Variants in DIAPH3 observed in about 807,000 individuals in gnomAD.
The protein encoded by DIAPH3 is protein diaphanous homolog 3.
DIAPH3 carries 117 observed loss-of-function variants against 144.3 expected under a neutral mutation model. The ratio of observed to expected loss-of-function variants is 0.81; its 90% CI spans 0.70 to 0.95. DIAPH3 has a LOEUF of 0.95. DIAPH3 is among the 40% of genes least tolerant of loss of function. DIAPH3 has a pLI of 0.00. For synonymous variants in DIAPH3, 519 were observed against 488.9 expected, an observed-to-expected ratio of 1.06 and a Z score of -0.81; for missense variants, 1,421 against 1,412.7, an observed-to-expected ratio of 1.01 and a Z score of -0.09.
At chr13:59,797,170 T>G (rs2039653605) in intron 25 of DIAPH3, among the ~76,000 whole-genome samples, 2 of 152,164 alleles carry the variant, frequency 1.3e-5, no homozygotes, top group Admixed American at 1.3e-4. Flanking sequence ...TTCCCACACT[T>G]TCTATCCCCC....
At chr13:60,018,477 A>G (rs953119275) in intron 5 of DIAPH3, among the ~76,000 whole-genome samples, 27 of 152,176 alleles carry the variant, frequency 1.8e-4, no homozygotes. Context: ...TACCTTTAAC[A>G]TAATTATAAC....
intron 9 of DIAPH3, among the ~76,000 whole-genome samples, chr13:59,997,154 C>T (rs2052249587): frequency 6.6e-6 from 1 of 151,988 alleles, no homozygotes; most frequent in African/African-American, 2.4e-5. Context: ...AAACTTATCC[C>T]TTCTACCATA....
intron 27 of DIAPH3, among the ~76,000 whole-genome samples, chr13:59,707,923 A>G (rs2034516307): frequency 6.6e-6 from 1 of 151,092 alleles, no homozygotes; most frequent in South Asian, 2.1e-4. Context: ...TAACATACCA[A>G]TTTCTCCCCA....
At chr13:59,677,182 G>A (rs1665989969) in intron 27 of DIAPH3, among the ~76,000 whole-genome samples, 1 of 151,678 alleles carries the variant, frequency 6.6e-6, no homozygotes, top group African/African-American at 2.4e-5. Flanking sequence ...TTATTACCTT[G>A]CTTCACTTAA....
chr13:59,688,058 C>T (rs2033305846), intron 27 of DIAPH3, among the ~76,000 whole-genome samples: 1 of 151,966 alleles, frequency 6.6e-6, no homozygotes, highest in Non-Finnish European at 1.5e-5. Context: ...AGATTTTCTT[C>T]CCCCAGTTGC....
chr13:60,116,100 G>T (rs1205521883), intron 2 of DIAPH3, among the ~76,000 whole-genome samples: 1 of 152,036 alleles, frequency 6.6e-6, no homozygotes, highest in Non-Finnish European at 1.5e-5. Flanking sequence ...CTTGTTCTGG[G>T]ATGAAATCCT....
chr13:60,019,700 T>G (rs908953515), intron 5 of DIAPH3, among the ~76,000 whole-genome samples: 2 of 152,034 alleles, frequency 1.3e-5, no homozygotes, highest in Admixed American at 1.3e-4. Context: ...AGCTTAGACT[T>G]TGAAATTCAG....
chr13:60,077,877 A>C (rs1490972232), intron 4 of DIAPH3, among the ~76,000 whole-genome samples: 1 of 152,106 alleles, frequency 6.6e-6, no homozygotes, highest in Non-Finnish European at 1.5e-5. Context: ...CCAAGTAAGC[A>C]ACTCTCTATC....
intron 20 of DIAPH3, among the ~76,000 whole-genome samples, chr13:59,891,495 C>A (rs547646743): frequency 3.4e-4 from 51 of 150,628 alleles, no homozygotes; most frequent in Non-Finnish European, 6.5e-4. Context: ...AAAATGCCCC[C>A]ACTTTTTAGC....
intron 20 of DIAPH3, among the ~76,000 whole-genome samples, chr13:59,900,579 C>T (rs936071269): frequency 1.3e-5 from 2 of 152,190 alleles, no homozygotes; most frequent in African/African-American, 2.4e-5. Flanking sequence ...CAAAACCTTG[C>T]TGATGATGTG....
intron 27 of DIAPH3, among the ~76,000 whole-genome samples, chr13:59,693,960 C>A (rs1453746046): frequency 6.6e-6 from 1 of 152,036 alleles, no homozygotes; most frequent in Non-Finnish European, 1.5e-5. Context: ...TTAGTAATAT[C>A]CTAAAATGTG....
chr13:59,938,609 G>GA (rs1193148524), intron 17 of DIAPH3, among the ~76,000 whole-genome samples: 92 of 137,784 alleles, frequency 6.7e-4, no homozygotes, highest in Admixed American at 1.9e-3. Context: ...ACCTTGTTTG[G>GA]AAAAAAAAAA....
In DIAPH3 at chr13:60,052,827, A is replaced by G. The variant is rs1291648861; in HGVS notation, c.496-10007T>C. Reference sequence around the variant, plus strand: ...AATACAAAAATTAGCCAGGTTTGGTAGGATCCATCTGTAGTCCCAGCTACT... The same window carrying G: ...AATACAAAAATTAGCCAGGTTTGGTGGGATCCATCTGTAGTCCCAGCTACT... On this transcript the variant is annotated intron_variant, in intron 4 of 27. Coordinates refer to ENST00000400324, the MANE Select transcript of DIAPH3 (RefSeq NM_001042517.2). Among the ~76,000 whole-genome samples the G allele has an allele frequency of 4.6e-5, 7 of 151,450 alleles. No individual in the cohort carries two copies. In the East Asian group the frequency reaches 1.2e-3, roughly 25 times the overall value.
At chr13:59,842,878 C>G (rs899410528) in intron 22 of DIAPH3, among the ~76,000 whole-genome samples, 4 of 152,148 alleles carry the variant, frequency 2.6e-5, no homozygotes, top group African/African-American at 9.7e-5. Context: ...CACTTCCACC[C>G]TCCAAGCACA....
chr13:59,944,797 G>A (rs951096136), intron 17 of DIAPH3, among the ~76,000 whole-genome samples: 1 of 150,112 alleles, frequency 6.7e-6, no homozygotes, highest in African/African-American at 2.4e-5. Flanking sequence ...GAAAAAAAGG[G>A]GGGGGGCTAT....
At chr13:59,785,138 T>C (rs2038966853) in intron 25 of DIAPH3, among the ~76,000 whole-genome samples, 1 of 152,150 alleles carries the variant, frequency 6.6e-6, no homozygotes, top group African/African-American at 2.4e-5. Context: ...ATTTAACTGA[T>C]AAAATGATAA....
At chr13:59,991,092 T>C (rs1174419804) in intron 12 of DIAPH3, 66 bp downstream of exon 12, 3 of 1,008,610 alleles carry the variant, frequency 3.0e-6, no homozygotes, top group African/African-American at 1.6e-5. Flanking sequence ...GCAAATATGA[T>C]GTGAATTTCA....
At position 59,729,810 on chromosome 13, in the gene DIAPH3, A is replaced by ATTTTTTTTTTTTTTTTTTTTTTTTTTTTT. The variant is rs59987412; in HGVS notation, c.3319+44378_3319+44379insAAAAAAAAAAAAAAAAAAAAAAAAAAAAA. Among the ~76,000 whole-genome samples the ATTTTTTTTTTTTTTTTTTTTTTTTTTTTT allele has an allele frequency of 3.7e-4, 50 of 134,220 alleles. 3 individuals are homozygous for ATTTTTTTTTTTTTTTTTTTTTTTTTTTTT. The highest frequency in any genetic ancestry group is 1.4e-3 in the African/African-American group (47 of 32,618). 88.1% of individuals were successfully genotyped at this position (134,220 alleles called of 152,430 possible). A position where few individuals can be genotyped will look rare whatever the true frequency, so the allele number is the denominator to read the frequency against. ...TGTGACTTCCGGTGAATACATTAAT[A>ATTTTTTTTTTTTTTTTTTTTTTTTTTTTT]TTTTTTTTTTTTTTTTTTTGAGATA... On this transcript the variant is annotated intron_variant, in intron 27 of 27. Transcript: ENST00000400324.
chr13:59,861,195 AT>A (rs1468287659), intron 22 of DIAPH3: 1 of 1,436,940 alleles, frequency 7.0e-7, no homozygotes, highest in Admixed American at 2.7e-5. Flanking sequence ...ATTTTATAAT[AT>A]AAGGCCTCAT....
Sources: gnomAD v4.1 joint callset for allele counts (sites outside exome capture counted in the v4.1 genomes callset) on GRCh38, gnomAD v4.1.1 for gene constraint, MANE v1.5 for transcripts, NCBI Gene and HGNC (gene_info 2026-07-23, HGNC 2026-07-21) for gene names.